Variants in DDX60L observed in about 807,000 individuals in gnomAD.
The protein encoded by DDX60L is DExD/H-box 60 like.
DDX60L carries 191 observed loss-of-function variants against 211.6 expected under a neutral mutation model. The ratio of observed to expected loss-of-function variants is 0.90; its 90% CI spans 0.80 to 1.02. The LOEUF is 1.02. Among genes scored for constraint, DDX60L ranks in the 50% least tolerant of loss-of-function variants. DDX60L has a pLI of 0.00. For synonymous variants in DDX60L, 706 were observed against 694.1 expected, an observed-to-expected ratio of 1.02 and a Z score of -0.27; for missense variants, 2,007 against 1,984.1, an observed-to-expected ratio of 1.01 and a Z score of -0.22.
chr4:168,391,452 C>T (rs1033965542), intron 29 of DDX60L, 88 bp downstream of exon 29: 4 of 853,844 alleles, frequency 4.7e-6, no homozygotes, highest in Non-Finnish European at 7.7e-6. Context: ...GGACACAAAC[C>T]GTAGCCTGTT....
At chr4:168,362,049 T>C (rs1310685750) in intron 36 of DDX60L, among the ~76,000 whole-genome samples, 3 of 152,210 alleles carry the variant, frequency 2.0e-5, no homozygotes, top group Non-Finnish European at 4.4e-5. Flanking sequence ...AGAAAACCAC[T>C]GAACAGGTGG....
At chr4:168,471,350 A>G (rs1020547923) in intron 4 of DDX60L, 1 of 154,356 alleles carries the variant, frequency 6.5e-6, no homozygotes, top group African/African-American at 2.4e-5. Flanking sequence ...TTTGCTCTAC[A>G]ACCTTTCAAC....
chr4:168,437,298 GAGAA>G (rs1753178440), intron 10 of DDX60L, among the ~76,000 whole-genome samples: 1 of 152,156 alleles, frequency 6.6e-6, no homozygotes, highest in African/African-American at 2.4e-5. Context: ...TACAAGAACA[GAGAA>G]ACTTGAACAC....
chr4:168,416,999 A>G (rs1387041115), intron 19 of DDX60L, among the ~76,000 whole-genome samples: 1 of 152,130 alleles, frequency 6.6e-6, no homozygotes, highest in African/African-American at 2.4e-5. Context: ...ATTAATTCCT[A>G]CAGATTCCAA....
intron 26 of DDX60L, among the ~76,000 whole-genome samples, chr4:168,398,741 C>T (rs1189230311): frequency 3.9e-5 from 6 of 152,150 alleles, no homozygotes; most frequent in African/African-American, 1.2e-4. Flanking sequence ...GACCAGCTTC[C>T]GAGAGGAGCT....
chr4:168,359,031 A>G (rs868644853), intron 37 of DDX60L, among the ~76,000 whole-genome samples: 5 of 152,240 alleles, frequency 3.3e-5, no homozygotes, highest in African/African-American at 1.2e-4. Flanking sequence ...CTATCCATAT[A>G]TCTTAGGATA....
intron 10 of DDX60L, among the ~76,000 whole-genome samples, chr4:168,437,175 C>A (rs185819734): frequency 2.6e-5 from 4 of 152,148 alleles, no homozygotes; most frequent in African/African-American, 9.7e-5. Flanking sequence ...AGTCCTAATT[C>A]GCACTATCTG....
intron 22 of DDX60L, among the ~76,000 whole-genome samples, chr4:168,409,233 C>G (rs17612333): frequency 6.6e-6 from 1 of 152,056 alleles, no homozygotes; most frequent in East Asian, 1.9e-4. Context: ...CACAGCTCTG[C>G]AGAAGTCATA....
chr4:168,414,307 A>T (rs1229637996), intron 22 of DDX60L, among the ~76,000 whole-genome samples: 2 of 152,192 alleles, frequency 1.3e-5, no homozygotes. Flanking sequence ...GTAAGTACAC[A>T]GAAAAACACA....
chr4:168,376,757 C>T (rs1466398926), intron 33 of DDX60L, among the ~76,000 whole-genome samples: 1 of 152,198 alleles, frequency 6.6e-6, no homozygotes, highest in Admixed American at 6.5e-5. Context: ...GTGTTGTTTG[C>T]CACCTTCTCG....
At chr4:168,445,723 A>G (rs1372214865) in intron 9 of DDX60L, among the ~76,000 whole-genome samples, 6 of 150,988 alleles carry the variant, frequency 4.0e-5, no homozygotes, top group Admixed American at 6.6e-5. Flanking sequence ...GGCTGGTTCA[A>G]TATACACAAA....
Position 168,403,994 on chromosome 4 carries a change from G to T in DDX60L, c.3326C>A (p.Ala1109Glu). 6.9e-7 allele frequency: 1 copy of T among 1,459,554 alleles called. No homozygotes were observed. Among genetic ancestry groups the T allele is most frequent in the Non-Finnish European group, 9.2e-7 (1 of 1,088,896 alleles). The allele number at this position is 1,459,554 out of a possible 1,614,324, so 90.4% of individuals were successfully genotyped here. ...EKLRQMDKLPAIFFLFKNDDV... is the reference protein window; with the variant it reads ...EKLRQMDKLPEIFFLFKNDDV... ...TTCAGTTACTTACAAAAAAAATATT[G>T]CAGGCAACTTATCCATTTGTCTTAA... The change falls in exon 25 of 38, where the codon GCA becomes GAA. Residue 1109 changes from alanine to glutamate, a missense_variant. Physicochemically the swap from Ala to Glu is moderately radical, Grantham distance 107. Coordinates refer to ENST00000682922, the MANE Select transcript of DDX60L (RefSeq NM_001012967.3).
At chr4:168,442,331 C>T (rs1252587429) in intron 9 of DDX60L, among the ~76,000 whole-genome samples, 21 of 152,206 alleles carry the variant, frequency 1.4e-4, no homozygotes, top group East Asian at 1.9e-4. Flanking sequence ...GATTATATCC[C>T]GCACCTGGCT....
chr4:168,406,569 T>C (rs759460570), intron 23 of DDX60L, 33 bp downstream of exon 23: 1 of 1,487,448 alleles, frequency 6.7e-7, no homozygotes, highest in Non-Finnish European at 9.2e-7. Flanking sequence ...TTAACTAAAG[T>C]TCATTTTGGT....
At chr4:168,437,790 T>C (rs1014959207) in intron 10 of DDX60L, among the ~76,000 whole-genome samples, 14 of 152,206 alleles carry the variant, frequency 9.2e-5, no homozygotes, top group Non-Finnish European at 1.8e-4. Context: ...AACCTGACTC[T>C]GGCAGAACAT....
chr4:168,429,881 C>G (rs142261635), intron 13 of DDX60L, among the ~76,000 whole-genome samples: 29 of 152,254 alleles, frequency 1.9e-4, no homozygotes, highest in African/African-American at 6.3e-4. Flanking sequence ...GCCATCTCCC[C>G]CTTTGTCTTC....
At chr4:168,370,927 T>C (rs1419881783) in intron 36 of DDX60L, among the ~76,000 whole-genome samples, 3 of 152,260 alleles carry the variant, frequency 2.0e-5, no homozygotes, top group African/African-American at 7.2e-5. Context: ...TACTGCTTTG[T>C]AAAATGTTTT....
chr4:168,413,459 T>C (rs984520853), intron 22 of DDX60L, among the ~76,000 whole-genome samples: 6 of 152,184 alleles, frequency 3.9e-5, no homozygotes, highest in South Asian at 2.1e-4. Flanking sequence ...CACAGCAATG[T>C]AGGGATGGTT....
At chr4:168,418,319 C>T (rs1343134924) in intron 19 of DDX60L, among the ~76,000 whole-genome samples, 1 of 152,208 alleles carries the variant, frequency 6.6e-6, no homozygotes, top group Non-Finnish European at 1.5e-5. Flanking sequence ...CCACCCGCCT[C>T]AGCCTCCCAA....
Sources: gnomAD v4.1 joint callset for allele counts (sites outside exome capture counted in the v4.1 genomes callset) on GRCh38, gnomAD v4.1.1 for gene constraint, MANE v1.5 for transcripts, NCBI Gene and HGNC (gene_info 2026-07-23, HGNC 2026-07-21) for gene names.